Variants in B4GALT5 observed in about 807,000 individuals in gnomAD.
B4GALT5 encodes the protein UDP-Gal:beta-GlcNAc beta-1,4-galactosyltransferase 5.
In B4GALT5, 11 loss-of-function variants were observed where a neutral mutation model predicts 45.0. That is an observed-to-expected ratio of 0.24 (90% CI 0.15 to 0.40). The LOEUF (loss-of-function observed/expected upper bound fraction) is 0.40, where lower values mean the gene tolerates loss of function less well. B4GALT5 is among the 10% of genes least tolerant of loss of function. The probability of loss-of-function intolerance (pLI) is 1.00; values close to 1 mark genes in which losing one functional copy is unlikely to be tolerated. For missense variants in B4GALT5, 337 were observed against 500.2 expected (o/e 0.67, Z 3.11); for synonymous variants, 185 against 182.9 (o/e 1.01, Z -0.09).
chr20:49,643,729 G>A (rs2085586866), intron 3 of B4GALT5, 79 bp from the exon 4 acceptor site: 2 of 1,490,600 alleles, frequency 1.3e-6, no homozygotes, highest in Non-Finnish European at 1.8e-6. Flanking sequence ...AGTCTCTGGA[G>A]AGCGCAATGC....
chr20:49,680,662 T>C (rs2085760132), intron 1 of B4GALT5, among the ~76,000 whole-genome samples: 1 of 152,172 alleles, frequency 6.6e-6, no homozygotes, highest in Non-Finnish European at 1.5e-5. Context: ...TAATTTTTAA[T>C]AGGTGCAGAG....
intron 3 of B4GALT5, among the ~76,000 whole-genome samples, chr20:49,645,497 C>A (rs959148302): frequency 6.6e-6 from 1 of 152,172 alleles, no homozygotes; most frequent in Non-Finnish European, 1.5e-5. Context: ...ACCTGTAATC[C>A]TAGCACTTTG....
intron 1 of B4GALT5, among the ~76,000 whole-genome samples, chr20:49,667,340 C>T (rs2085695677): frequency 6.6e-6 from 1 of 151,826 alleles, no homozygotes; most frequent in African/African-American, 2.4e-5. Context: ...GGCTGCGCCC[C>T]CCAGGGGTTC....
intron 1 of B4GALT5, among the ~76,000 whole-genome samples, chr20:49,676,329 A>G (rs2085737290): frequency 6.6e-6 from 1 of 152,158 alleles, no homozygotes; most frequent in Non-Finnish European, 1.5e-5. Context: ...AATCCACAGA[A>G]AGACTTTCTT....
intron 1 of B4GALT5, among the ~76,000 whole-genome samples, chr20:49,685,296 A>G (rs1462323461): frequency 1.3e-5 from 2 of 152,202 alleles, no homozygotes; most frequent in Admixed American, 1.3e-4. Flanking sequence ...AAGGAACTTC[A>G]GCAGGTGCAG....
rs558817769 is a variant in B4GALT5, at chr20:49,634,389, C to A, written c.*1923G>T. 1 of 152,308 alleles carries A rather than the reference C, an allele frequency of 6.6e-6. No homozygotes were observed. The highest frequency in any genetic ancestry group is 1.9e-4 in the East Asian group (1 of 5,182). The allele number at this position is 152,308 out of a possible 1,614,324, so 9.4% of individuals were successfully genotyped here. A position where few individuals can be genotyped will look rare whatever the true frequency, so the allele number is the denominator to read the frequency against. ...CAAACAAGGCAATTAAAAAAAAATA[C>A]GAAGTACTCTTCAGAAAGTACTCCT... On this transcript the variant is annotated 3_prime_UTR_variant, in exon 9 of 9. Coordinates refer to ENST00000371711, the MANE Select transcript of B4GALT5 (RefSeq NM_004776.4).
At chr20:49,663,864 C>T (rs1601256814) in intron 1 of B4GALT5, among the ~76,000 whole-genome samples, 1 of 151,508 alleles carries the variant, frequency 6.6e-6, no homozygotes. Flanking sequence ...CAAAAAGAAC[C>T]GTAAAGAATC....
chr20:49,681,707 CT>C (rs1693605445), intron 1 of B4GALT5, among the ~76,000 whole-genome samples: 1 of 152,220 alleles, frequency 6.6e-6, no homozygotes, highest in Non-Finnish European at 1.5e-5. Context: ...TAACTCTACC[CT>C]TTTACCCTCA....
chr20:49,666,035 G>A (rs1159452636), intron 1 of B4GALT5, among the ~76,000 whole-genome samples: 4 of 152,124 alleles, frequency 2.6e-5, no homozygotes, highest in Admixed American at 1.3e-4. Context: ...TTGCAGAAAC[G>A]GTCCAGGATT....
At chr20:49,640,268 T>C (rs453071) in intron 6 of B4GALT5, among the ~76,000 whole-genome samples, 72,988 of 152,066 alleles carry the variant, frequency 0.48, 18,220 homozygotes, top group South Asian at 0.65. Context: ...TTTAACGTAA[T>C]GTTTTCGAAG....
chr20:49,712,867 G>C (rs1370351911), intron 1 of B4GALT5, among the ~76,000 whole-genome samples: 1 of 149,584 alleles, frequency 6.7e-6, no homozygotes, highest in Non-Finnish European at 1.5e-5. Flanking sequence ...AAGAGGCATG[G>C]GACGCTCAGG....
chr20:49,665,655 A>G (rs1199373651), intron 1 of B4GALT5, among the ~76,000 whole-genome samples: 1 of 150,378 alleles, frequency 6.6e-6, no homozygotes, highest in Non-Finnish European at 1.5e-5. Flanking sequence ...AGATAAAGAG[A>G]TACAAGTAAG....
chr20:49,712,565 C>G (rs1400614256), intron 1 of B4GALT5, among the ~76,000 whole-genome samples: 1 of 152,144 alleles, frequency 6.6e-6, no homozygotes, highest in Non-Finnish European at 1.5e-5. Context: ...CCTCCATGCT[C>G]CCCCTTCTCA....
chr20:49,662,026 G>A (rs1272035123), intron 1 of B4GALT5, among the ~76,000 whole-genome samples: 1 of 152,078 alleles, frequency 6.6e-6, no homozygotes, highest in Non-Finnish European at 1.5e-5. Context: ...AGCTTCCGGG[G>A]GCGAAGGACT....
chr20:49,701,592 G>A (rs2146359983), intron 1 of B4GALT5, among the ~76,000 whole-genome samples: 1 of 152,236 alleles, frequency 6.6e-6, no homozygotes, highest in South Asian at 2.1e-4. Flanking sequence ...GACGAGGAAG[G>A]CACGGGGAAA....
chr20:49,690,562 G>C (rs555244033), intron 1 of B4GALT5, among the ~76,000 whole-genome samples: 16 of 151,388 alleles, frequency 1.1e-4, no homozygotes, highest in African/African-American at 2.2e-4. Flanking sequence ...AAAAAAAAAG[G>C]GGGGGGTGAC....
intron 2 of B4GALT5, among the ~76,000 whole-genome samples, chr20:49,655,260 GTC>G (rs1015661313): frequency 2.6e-5 from 4 of 150,994 alleles, no homozygotes; most frequent in African/African-American, 9.7e-5. Flanking sequence ...GCGAAACCCC[GTC>G]TCTACTAAAA....
chr20:49,663,326 A>T (rs530144673), intron 1 of B4GALT5, among the ~76,000 whole-genome samples: 1 of 152,156 alleles, frequency 6.6e-6, no homozygotes, highest in Admixed American at 6.6e-5. Flanking sequence ...TTTTAATGTT[A>T]TATGTCAACA....
chr20:49,639,817 G>A lies in B4GALT5; in HGVS notation c.795-17C>T. 6.2e-7 allele frequency: 1 copy of A among 1,611,494 alleles called. No homozygotes were observed. Among genetic ancestry groups the A allele is most frequent in the South Asian group, 1.1e-5 (1 of 91,010 alleles). On this transcript the variant is annotated splice_polypyrimidine_tract_variant and intron_variant, in intron 6 of 8. Coordinates refer to ENST00000371711, the MANE Select transcript of B4GALT5 (RefSeq NM_004776.4). ...TAAGGAAGCCTAGGAGGAGATGTGG[G>A]ACATCAATCATCTGTGTGTTACAGG...
Sources: allele counts gnomAD v4.1 joint callset (sites outside exome capture counted in the v4.1 genomes callset), GRCh38; gene constraint gnomAD v4.1.1; transcripts MANE v1.5; gene names NCBI Gene and HGNC (gene_info 2026-07-23, HGNC 2026-07-21).